TMEFF1: variants seen among roughly 807,000 people sequenced by gnomAD.
TMEFF1 encodes tomoregulin-1.
Under a neutral mutation model 47.5 loss-of-function variants are expected in TMEFF1, and 20 were observed. The observed-to-expected ratio is 0.42, with a 90% CI of 0.30 to 0.61. The LOEUF is 0.61. Ranked by LOEUF, TMEFF1 falls within the 20% of genes least tolerant of loss-of-function variation. The probability of loss-of-function intolerance (pLI) is 0.19; values close to 1 mark genes in which losing one functional copy is unlikely to be tolerated. For missense variants in TMEFF1, 411 were observed against 471.1 expected (o/e 0.87, Z 1.18); for synonymous variants, 162 against 166.3 (o/e 0.97, Z 0.20).
intron 1 of TMEFF1, among the ~76,000 whole-genome samples, chr9:100,489,730 T>G (rs1837515487): frequency 1.3e-5 from 2 of 152,182 alleles, no homozygotes; most frequent in South Asian, 4.1e-4. Flanking sequence ...TTTAAATGTG[T>G]CATGTCAGGA....
At position 100,577,283 on chromosome 9, in the gene TMEFF1, A is replaced by G. The variant is rs542463155; in HGVS notation, c.*683A>G. The G allele has an allele frequency of 1.3e-5, 2 of 152,642 alleles. No homozygotes were observed. The highest frequency in any genetic ancestry group is 1.5e-5 in the Non-Finnish European group (1 of 68,016). 9.5% of individuals were successfully genotyped at this position (152,642 alleles called of 1,614,324 possible). On this transcript the variant is annotated 3_prime_UTR_variant, in exon 10 of 10. Transcript: ENST00000374879. Reference sequence around the variant, plus strand: ...TGGAATAAAGCCTATTCTACCAGTTAAACTACTTTAATACACATTCATTTT... The same window carrying G: ...TGGAATAAAGCCTATTCTACCAGTTGAACTACTTTAATACACATTCATTTT...
At chr9:100,492,371 CAT>C (rs1426061500) in intron 1 of TMEFF1, among the ~76,000 whole-genome samples, 1 of 152,306 alleles carries the variant, frequency 6.6e-6, no homozygotes, top group East Asian at 1.9e-4. Context: ...TATTTTCACT[CAT>C]ATGAAATGTT....
chr9:100,499,377 G>C (rs905458101), intron 2 of TMEFF1, among the ~76,000 whole-genome samples: 1 of 152,130 alleles, frequency 6.6e-6, no homozygotes, highest in African/African-American at 2.4e-5. Flanking sequence ...CTTTTCAGAT[G>C]CTCTTTTAGT....
At chr9:100,497,844 A>G (rs138527582) in intron 1 of TMEFF1, among the ~76,000 whole-genome samples, 194 of 152,162 alleles carry the variant, frequency 1.3e-3, no homozygotes, top group Non-Finnish European at 2.1e-3. Context: ...GCTTTTGAGC[A>G]GCAGAATCAG....
At chr9:100,561,199 C>T (rs527711193) in intron 7 of TMEFF1, among the ~76,000 whole-genome samples, 198 bp from the exon 8 acceptor site, 1 of 152,242 alleles carries the variant, frequency 6.6e-6, no homozygotes, top group South Asian at 2.1e-4. Context: ...AACAGTTTAC[C>T]TGCTGTGTTT....
chr9:100,552,857 G>C (rs1838849747), intron 7 of TMEFF1, among the ~76,000 whole-genome samples: 1 of 127,086 alleles, frequency 7.9e-6, no homozygotes, highest in Non-Finnish European at 1.6e-5. Context: ...GCAAGACACT[G>C]TTTTGGAAAA....
chr9:100,561,089 C>A (rs1391777590), intron 7 of TMEFF1, among the ~76,000 whole-genome samples: 3 of 152,290 alleles, frequency 2.0e-5, no homozygotes, highest in Non-Finnish European at 4.4e-5. Flanking sequence ...GCATTTATTT[C>A]TTTAGCAAAG....
chr9:100,522,452 T>TTTTG (rs1838179952), intron 5 of TMEFF1, among the ~76,000 whole-genome samples: 2 of 147,108 alleles, frequency 1.4e-5, no homozygotes, highest in South Asian at 4.4e-4. Flanking sequence ...TTTTTTTTTT[T>TTTTG]TTTGAGACGG....
In TMEFF1 at chr9:100,546,429, T is replaced by TCC. The variant is rs200756105; in HGVS notation, c.561-1307_561-1306dup. ...GGAAAGACCTTCCCCCATAATTCAA[T>TCC]CCCCCCCCCACCAGGTTCCTCCCAC... is the stretch of plus-strand genomic sequence containing the variant. On this transcript the variant is annotated intron_variant, in intron 5 of 9. Coordinates refer to ENST00000374879, the MANE Select transcript of TMEFF1 (RefSeq NM_003692.5). 1.5e-4 allele frequency among the ~76,000 whole-genome samples: 22 copies of TCC among 141,966 alleles called. No individual in the cohort carries two copies. In the South Asian group the frequency reaches 3.2e-3, roughly 21 times the overall value. 93.1% of individuals were successfully genotyped at this position (141,966 alleles called of 152,430 possible).
chr9:100,555,913 AGAAACT>A (rs1838906562), intron 7 of TMEFF1, among the ~76,000 whole-genome samples: 1 of 152,216 alleles, frequency 6.6e-6, no homozygotes, highest in Admixed American at 6.5e-5. Flanking sequence ...TTGCAGATGA[AGAAACT>A]GAAGCTGCAG....
At chr9:100,483,528 C>CAAACA (rs778850830) in intron 1 of TMEFF1, among the ~76,000 whole-genome samples, 75 of 151,284 alleles carry the variant, frequency 5.0e-4, no homozygotes, top group Admixed American at 1.8e-3. Flanking sequence ...AACAAACAAA[C>CAAACA]AAGGTGTGTC....
intron 7 of TMEFF1, among the ~76,000 whole-genome samples, chr9:100,554,871 A>G (rs1477733789): frequency 1.3e-5 from 2 of 152,038 alleles, no homozygotes; most frequent in Non-Finnish European, 2.9e-5. Flanking sequence ...CAGTGTTGAT[A>G]TAGTTGTGGC....
rs780587963 is a variant in TMEFF1, at chr9:100,550,163, A to T, written c.775+3A>T. The T allele has an allele frequency of 1.9e-6, 3 of 1,610,256 alleles. No homozygotes were observed. The highest frequency in any genetic ancestry group is 2.5e-6 in the Non-Finnish European group (3 of 1,178,680). On this transcript the variant is annotated splice_donor_region_variant and intron_variant, in intron 7 of 9. Transcript: ENST00000374879. ...ACAATATCGACCAGATGTGAAAGGT[A>T]CTGAATCATGCATCTCCAAATTTTG...
intron 9 of TMEFF1, among the ~76,000 whole-genome samples, chr9:100,573,826 A>T (rs1337939868): frequency 1.3e-5 from 2 of 152,276 alleles, no homozygotes; most frequent in Non-Finnish European, 2.9e-5. Flanking sequence ...AGTGCGCTTT[A>T]TTTCACAGAA....
intron 6 of TMEFF1, among the ~76,000 whole-genome samples, chr9:100,549,070 G>T (rs1838787347): frequency 6.6e-6 from 1 of 152,200 alleles, no homozygotes; most frequent in South Asian, 2.1e-4. Flanking sequence ...CCTGGTCAGT[G>T]TATTAGTTCA....
intron 8 of TMEFF1, among the ~76,000 whole-genome samples, chr9:100,568,566 T>TCCTC (rs1224624954): frequency 6.7e-6 from 1 of 149,336 alleles, no homozygotes; most frequent in Admixed American, 6.7e-5. Flanking sequence ...GTGTCAACTG[T>TCCTC]CCTCCCTCCC....
chr9:100,476,152 T>C (rs1435705112), intron 1 of TMEFF1, among the ~76,000 whole-genome samples: 1 of 152,148 alleles, frequency 6.6e-6, no homozygotes, highest in Non-Finnish European at 1.5e-5. Context: ...TAAGATATAC[T>C]TGAATAACTG....
rs1397831502 is a variant in TMEFF1, at chr9:100,572,773, T to C, written c.1058+97T>C. 23 of 1,412,378 alleles carry C rather than the reference T, an allele frequency of 1.6e-5. 1 individual carries two copies. In the South Asian group the frequency reaches 2.0e-4, roughly 12 times the overall value. The allele number at this position is 1,412,378 out of a possible 1,614,324, so 87.5% of individuals were successfully genotyped here. ...GCCACCAGTCTATTAGGAAAAATCT[T>C]ATGATCAGTTCCCTGAGGTTTTCAG... On this transcript the variant is annotated intron_variant, in intron 9 of 9. Transcript: ENST00000374879.
chr9:100,494,703 C>T (rs1447491273), intron 1 of TMEFF1, among the ~76,000 whole-genome samples: 1 of 152,164 alleles, frequency 6.6e-6, no homozygotes, highest in Non-Finnish European at 1.5e-5. Flanking sequence ...TAGTTGGGTA[C>T]TTTGTTTCCC....
Sources: gnomAD v4.1 joint callset for allele counts (sites outside exome capture counted in the v4.1 genomes callset) on GRCh38, gnomAD v4.1.1 for gene constraint, MANE v1.5 for transcripts, NCBI Gene and HGNC (gene_info 2026-07-23, HGNC 2026-07-21) for gene names.